The following TMCC1 variants were observed in gnomAD, a reference collection of about 807,000 sequenced individuals.
TMCC1 encodes transmembrane and coiled-coil domains protein 1.
TMCC1 carries 15 observed loss-of-function variants against 52.4 expected under a neutral mutation model. The observed-to-expected ratio is 0.29, with a 90% CI of 0.19 to 0.44. The LOEUF (loss-of-function observed/expected upper bound fraction) is 0.44. Ranked by LOEUF, TMCC1 falls within the 20% of genes least tolerant of loss-of-function variation. TMCC1 has a pLI of 1.00. For synonymous variants in TMCC1, 279 were observed against 301.9 expected, an observed-to-expected ratio of 0.92 and a Z score of 0.79; for missense variants, 503 against 806.0, an observed-to-expected ratio of 0.62 and a Z score of 4.55.
At chr3:129,812,747 C>G (rs1269395857) in intron 4 of TMCC1, among the ~76,000 whole-genome samples, 1 of 152,092 alleles carries the variant, frequency 6.6e-6, no homozygotes, top group Non-Finnish European at 1.5e-5. Flanking sequence ...GAAATACCAT[C>G]TGGACATAGG....
intron 4 of TMCC1, among the ~76,000 whole-genome samples, chr3:129,769,888 C>T (rs1468088544): frequency 6.6e-6 from 1 of 152,138 alleles, no homozygotes. Flanking sequence ...TAATCAGAAG[C>T]CCTACTTGGA....
intron 1 of TMCC1, among the ~76,000 whole-genome samples, chr3:129,884,033 A>G (rs1009153140): frequency 4.6e-5 from 7 of 152,168 alleles, no homozygotes; most frequent in African/African-American, 1.7e-4. Context: ...AGAAACGTCA[A>G]CAGTAATTAC....
intron 4 of TMCC1, among the ~76,000 whole-genome samples, chr3:129,770,527 G>T (rs994756178): frequency 2.6e-5 from 4 of 151,794 alleles, no homozygotes; most frequent in Non-Finnish European, 4.4e-5. Flanking sequence ...GCAGTGAGCT[G>T]TGATCACACC....
chr3:129,870,231 TGACA>T (rs2060846805), intron 2 of TMCC1, among the ~76,000 whole-genome samples: 1 of 152,144 alleles, frequency 6.6e-6, no homozygotes. Context: ...TCTTGCTGAC[TGACA>T]AACATTTCAT....
rs542417645 is a variant in TMCC1 at position 129,678,649 on chromosome 3, C to T, written c.577-7385G>A. The stretch of plus-strand genomic sequence containing the variant: ...TGCTGGGATTACAGGTGTGAGCCAC[C>T]GTGCCCGGCCTCATTGTTTAATTCT... On this transcript the variant is annotated intron_variant, in intron 4 of 6. Transcript: ENST00000393238. Among the ~76,000 whole-genome samples, 108 of 152,126 alleles carry T rather than the reference C, an allele frequency of 7.1e-4. 1 individual carries two copies. Among genetic ancestry groups the T allele is most frequent in the South Asian group, 6.4e-3 (31 of 4,826 alleles).
chr3:129,840,848 T>TA (rs1330870708), intron 2 of TMCC1, among the ~76,000 whole-genome samples: 1 of 152,124 alleles, frequency 6.6e-6, no homozygotes, highest in Non-Finnish European at 1.5e-5. Context: ...CAGTCTCAGG[T>TA]AGTTTTTTAT....
chr3:129,877,244 T>C (rs1000073087), intron 2 of TMCC1, among the ~76,000 whole-genome samples: 2 of 152,224 alleles, frequency 1.3e-5, no homozygotes, highest in African/African-American at 4.8e-5. Flanking sequence ...AACTGCCACA[T>C]TGTTAAATCA....
At chr3:129,887,847 C>G (rs1341834677) in intron 1 of TMCC1, among the ~76,000 whole-genome samples, 1 of 151,910 alleles carries the variant, frequency 6.6e-6, no homozygotes, top group East Asian at 1.9e-4. Flanking sequence ...CTGTCAAAAC[C>G]CATAGAAATT....
intron 5 of TMCC1, among the ~76,000 whole-genome samples, chr3:129,661,762 A>G (rs776063094): frequency 2.6e-5 from 4 of 152,174 alleles, no homozygotes; most frequent in Admixed American, 1.3e-4. Context: ...AGACTGTGCC[A>G]CTGCACTCCA....
chr3:129,735,340 G>C (rs2050867836), intron 4 of TMCC1, among the ~76,000 whole-genome samples: 1 of 152,104 alleles, frequency 6.6e-6, no homozygotes, highest in Admixed American at 6.5e-5. Context: ...CGCCAAAAAA[G>C]TGTGTTTAAG....
intron 4 of TMCC1, among the ~76,000 whole-genome samples, chr3:129,770,847 A>T (rs1013327725): frequency 1.2e-4 from 18 of 152,224 alleles, no homozygotes; most frequent in African/African-American, 4.3e-4. Context: ...GTACAACTGA[A>T]GAAAAAGACT....
chr3:129,675,445 G>T (rs775575931), intron 4 of TMCC1, among the ~76,000 whole-genome samples: 1 of 152,172 alleles, frequency 6.6e-6, no homozygotes, highest in Non-Finnish European at 1.5e-5. Flanking sequence ...ACAATTATGA[G>T]GATGAAATGG....
intron 4 of TMCC1, among the ~76,000 whole-genome samples, chr3:129,734,228 TACA>T (rs944596302): frequency 2.1e-4 from 32 of 152,320 alleles, no homozygotes; most frequent in African/African-American, 7.7e-4. Flanking sequence ...CAGAATACTA[TACA>T]ACAAGTAGAT....
intron 2 of TMCC1, among the ~76,000 whole-genome samples, chr3:129,838,631 TA>T (rs1042906727): frequency 5.9e-4 from 89 of 151,144 alleles, no homozygotes; most frequent in African/African-American, 2.1e-3. Context: ...TGCGTGCCTG[TA>T]ATCCCAGCTA....
At chr3:129,845,163 C>T (rs1316275171) in intron 2 of TMCC1, among the ~76,000 whole-genome samples, 5 of 145,948 alleles carry the variant, frequency 3.4e-5, no homozygotes, top group African/African-American at 1.0e-4. Flanking sequence ...ACTCTGGCCT[C>T]GGCAACAGAG....
chr3:129,789,525 G>C (rs1030572810), intron 4 of TMCC1, among the ~76,000 whole-genome samples: 3 of 152,190 alleles, frequency 2.0e-5, no homozygotes, highest in Non-Finnish European at 4.4e-5. Context: ...CTGTCGCCCA[G>C]GCTAGAGTGC....
chr3:129,884,012 C>G (rs1219713679), intron 1 of TMCC1, among the ~76,000 whole-genome samples: 1 of 151,960 alleles, frequency 6.6e-6, no homozygotes, highest in Non-Finnish European at 1.5e-5. Context: ...GATGGTGAAA[C>G]AGCATCATAA....
chr3:129,755,435 T>C (rs1193990519), intron 4 of TMCC1, among the ~76,000 whole-genome samples: 1 of 152,058 alleles, frequency 6.6e-6, no homozygotes, highest in Non-Finnish European at 1.5e-5. Context: ...AAGGAGAAAG[T>C]GCTAAGAGAA....
chr3:129,701,640 A>G (rs529391021), intron 4 of TMCC1, among the ~76,000 whole-genome samples: 42 of 152,352 alleles, frequency 2.8e-4, no homozygotes, highest in African/African-American at 8.9e-4. Flanking sequence ...TTAGTGCCAG[A>G]ATTATGAAAT....
Sources: allele counts gnomAD v4.1 joint callset (sites outside exome capture counted in the v4.1 genomes callset), GRCh38; gene constraint gnomAD v4.1.1; transcripts MANE v1.5; gene names NCBI Gene and HGNC (gene_info 2026-07-23, HGNC 2026-07-21).